The following ANKRD62 variants were observed in gnomAD, a reference collection of about 807,000 sequenced individuals.
ANKRD62 encodes ankyrin repeat domain-containing protein 62.
Under a neutral mutation model 98.8 loss-of-function variants are expected in ANKRD62, and 61 were observed. The ratio of observed to expected loss-of-function variants is 0.62; its 90% CI spans 0.50 to 0.76. ANKRD62 has a LOEUF of 0.76. ANKRD62 is among the 30% of genes least tolerant of loss of function. The pLI, the probability that ANKRD62 is intolerant of heterozygous loss-of-function variation, is 0.00. For missense variants in ANKRD62, 933 were observed against 1,082.9 expected (o/e 0.86, Z 1.94); for synonymous variants, 341 against 367.9 (o/e 0.93, Z 0.84).
chr18:12,176,642 C>T, the ANKRD62 span, among the ~76,000 whole-genome samples: 1 of 116,234 alleles, frequency 8.6e-6, no homozygotes, highest in Non-Finnish European at 1.8e-5. Context: ...TTGCCTACTG[C>T]AACTTATTCA....
chr18:12,130,069 A>G (rs1388364469), downstream of ANKRD62, among the ~76,000 whole-genome samples: 1 of 152,198 alleles, frequency 6.6e-6, no homozygotes, highest in Non-Finnish European at 1.5e-5. Context: ...GTAGTGTAGT[A>G]GGAGAATTGT....
Position 12,099,642 on chromosome 18 carries a change from A to G in ANKRD62, c.780A>G (p.Lys260=), listed in dbSNP as rs561965593. ...TTCGTGGAATGATTTCTGAATATAA[A>G]GCAAACAAGAGATGTAAAAGTCTTC... The part of the protein sequence containing the change: ...QAIRGMISEY[K]ANKRCKSLQN... Residue 260 remains lysine (K), a synonymous_variant, in exon 6 of 14, where the codon AAA becomes AAG. Transcript: ENST00000587848. 4.7e-6 allele frequency: 7 copies of G among 1,497,558 alleles called. No individual in the cohort carries two copies. Among genetic ancestry groups the G allele is most frequent in the Non-Finnish European group, 6.2e-6 (7 of 1,125,768 alleles). 92.8% of individuals were successfully genotyped at this position (1,497,558 alleles called of 1,614,324 possible).
At chr18:12,119,135 T>G (rs1456194005) in intron 10 of ANKRD62, among the ~76,000 whole-genome samples, 1 of 152,182 alleles carries the variant, frequency 6.6e-6, no homozygotes, top group African/African-American at 2.4e-5. Flanking sequence ...TTTAAGGAAT[T>G]TGTTAATTTT....
chr18:12,127,066 A>C (rs555600293), intron 13 of ANKRD62, among the ~76,000 whole-genome samples: 1 of 152,208 alleles, frequency 6.6e-6, no homozygotes, highest in Non-Finnish European at 1.5e-5. Context: ...ACTTACTTTC[A>C]ATTTTTCAGT....
At chr18:12,176,111 G>C in the ANKRD62 span, among the ~76,000 whole-genome samples, 1 of 151,808 alleles carries the variant, frequency 6.6e-6, no homozygotes, top group African/African-American at 2.4e-5. Context: ...AGAATCACTT[G>C]AACCTGGGAG....
the ANKRD62 span, among the ~76,000 whole-genome samples, chr18:12,175,519 G>C: frequency 2.6e-5 from 4 of 151,904 alleles, no homozygotes; most frequent in African/African-American, 4.9e-5. Flanking sequence ...GGGCCCAAGG[G>C]AAGCTATAGT....
At chr18:12,122,157 T>A (rs1909795468) in intron 10 of ANKRD62, 146 bp from the exon 11 acceptor site, 3 of 580,808 alleles carry the variant, frequency 5.2e-6, no homozygotes, top group Non-Finnish European at 8.7e-6. Flanking sequence ...CTGAAGAGCT[T>A]TCTAAAATAT....
the ANKRD62 span, among the ~76,000 whole-genome samples, chr18:12,139,919 C>G: frequency 6.6e-6 from 1 of 152,156 alleles, no homozygotes; most frequent in Non-Finnish European, 1.5e-5. Context: ...GGAAGTTCTC[C>G]GGGATAATAT....
In ANKRD62 at chr18:12,127,973, A is replaced by C; in HGVS notation, c.*34A>C. ...ATAATATCAAGTGTTTCAGGACACT[A>C]GTTTCAGTGGAGAGCTTTCTTTTGT... On this transcript the variant is annotated 3_prime_UTR_variant, in exon 14 of 14. Transcript: ENST00000587848. The C allele has an allele frequency of 8.1e-7, 1 of 1,237,270 alleles. No individual in the cohort carries two copies. Among genetic ancestry groups the C allele is most frequent in the Non-Finnish European group, 1.0e-6 (1 of 968,982 alleles). The allele number at this position is 1,237,270 out of a possible 1,614,324, so 76.6% of individuals were successfully genotyped here.
chr18:12,102,155 C>T (rs1479905730), intron 6 of ANKRD62: 13 of 1,179,044 alleles, frequency 1.1e-5, no homozygotes, highest in Middle Eastern at 2.8e-4. Context: ...TGTCCAAGGC[C>T]CGAGTAACTA....
chr18:12,134,662 A>G (rs1910054604), downstream of ANKRD62, among the ~76,000 whole-genome samples: 1 of 152,076 alleles, frequency 6.6e-6, no homozygotes, highest in African/African-American at 2.4e-5. Context: ...GCTGAGAATG[A>G]TGGTTTCCAG....
chr18:12,122,735 A>G (rs893545029), intron 11 of ANKRD62, among the ~76,000 whole-genome samples: 1 of 152,190 alleles, frequency 6.6e-6, no homozygotes, highest in Non-Finnish European at 1.5e-5. Context: ...TTTAATGGCT[A>G]TATAGAATTC....
the ANKRD62 span, among the ~76,000 whole-genome samples, chr18:12,145,326 A>G: frequency 2.6e-5 from 4 of 152,166 alleles, no homozygotes; most frequent in Non-Finnish European, 5.9e-5. Context: ...AAAAAATGCA[A>G]TGGCTAAGCT....
chr18:12,093,949 A>G lies in ANKRD62; in HGVS notation c.-69A>G, dbSNP rs1281931063. 3 of 1,466,450 alleles carry G rather than the reference A, an allele frequency of 2.0e-6. No homozygotes were observed. In the South Asian group the frequency reaches 3.7e-5, roughly 18 times the overall value. The allele number at this position is 1,466,450 out of a possible 1,614,324, so 90.8% of individuals were successfully genotyped here. A position where few individuals can be genotyped will look rare whatever the true frequency, so the allele number is the denominator to read the frequency against. ...TGCTGGTGCTGCGCTCCAGAGAGGC[A>G]GAAAACGAGTGGGAGCTGAGGTGTC... On this transcript the variant is annotated 5_prime_UTR_variant, in exon 1 of 14. Coordinates refer to ENST00000587848, the MANE Select transcript of ANKRD62 (RefSeq NM_001277333.2).
the ANKRD62 span, among the ~76,000 whole-genome samples, chr18:12,173,531 C>T: frequency 9.3e-4 from 142 of 152,282 alleles, no homozygotes; most frequent in African/African-American, 3.3e-3. Flanking sequence ...TTAATCCTGT[C>T]GTCATGATGT....
the ANKRD62 span, among the ~76,000 whole-genome samples, chr18:12,169,583 T>A: frequency 6.6e-6 from 1 of 152,182 alleles, no homozygotes; most frequent in Non-Finnish European, 1.5e-5. Context: ...GAGATATTGG[T>A]CTAAAATTCT....
chr18:12,158,680 T>C, the ANKRD62 span, among the ~76,000 whole-genome samples: 1 of 143,558 alleles, frequency 7.0e-6, no homozygotes, highest in Non-Finnish European at 1.5e-5. Context: ...CCCACCATCA[T>C]GCCTGGCTAA....
the ANKRD62 span, among the ~76,000 whole-genome samples, chr18:12,137,425 T>C: frequency 1.9e-4 from 29 of 152,346 alleles, no homozygotes; most frequent in African/African-American, 6.0e-4. Context: ...ATAAGCTTTT[T>C]GATGTGTTGC....
chr18:12,118,786 G>A (rs1909723249), intron 10 of ANKRD62, among the ~76,000 whole-genome samples: 4 of 152,072 alleles, frequency 2.6e-5, no homozygotes, highest in African/African-American at 9.7e-5. Context: ...TTCACGTATT[G>A]GAGGATGTCT....
Sources: gnomAD v4.1 joint callset for allele counts (sites outside exome capture counted in the v4.1 genomes callset) on GRCh38, gnomAD v4.1.1 for gene constraint, MANE v1.5 for transcripts, NCBI Gene and HGNC (gene_info 2026-07-23, HGNC 2026-07-21) for gene names.